The following CACNA2D3 variants were observed in gnomAD, a reference collection of about 807,000 sequenced individuals.
CACNA2D3 encodes voltage-dependent calcium channel subunit alpha-2/delta-3.
A neutral mutation model predicts 160.6 loss-of-function variants in CACNA2D3; 60 were observed. That is an observed-to-expected ratio of 0.37 (90% CI 0.30 to 0.46). CACNA2D3 has a LOEUF of 0.46. Among genes scored for constraint, CACNA2D3 ranks in the 20% least tolerant of loss-of-function variants. The pLI is 1.00. For missense variants in CACNA2D3, 1,205 were observed against 1,365.0 expected (o/e 0.88, Z 1.85); for synonymous variants, 558 against 492.9 (o/e 1.13, Z -1.75).
At chr3:55,034,367 C>T (rs1156928274) in intron 35 of CACNA2D3, among the ~76,000 whole-genome samples, 2 of 151,580 alleles carry the variant, frequency 1.3e-5, no homozygotes, top group Non-Finnish European at 2.9e-5. Flanking sequence ...TAATTATGTC[C>T]TTACTTCTCT....
chr3:55,018,039 G>A (rs1328775039), intron 34 of CACNA2D3, among the ~76,000 whole-genome samples, 167 bp from the exon 35 acceptor site: 1 of 152,154 alleles, frequency 6.6e-6, no homozygotes, highest in South Asian at 2.1e-4. Context: ...GAGTTGCTTG[G>A]CAGATGAAAT....
chr3:54,680,876 T>C (rs1162018882), intron 11 of CACNA2D3, among the ~76,000 whole-genome samples: 5 of 152,182 alleles, frequency 3.3e-5, no homozygotes, highest in Non-Finnish European at 5.9e-5. Context: ...CCAGTTATTC[T>C]CCAGGGGTAG....
chr3:54,862,177 G>T lies in CACNA2D3; in HGVS notation c.1627-9362G>T, dbSNP rs1279640151. ...CTGTAAAGCACAGTATCCTCAGAGGGTTGCAGAAGAAGGGCCACCCCATTT... is the reference window on the plus strand; with the variant it reads ...CTGTAAAGCACAGTATCCTCAGAGGTTTGCAGAAGAAGGGCCACCCCATTT... On this transcript the variant is annotated intron_variant, in intron 17 of 37. Coordinates refer to ENST00000474759, the MANE Select transcript of CACNA2D3 (RefSeq NM_018398.3). Among the ~76,000 whole-genome samples, 3 of 152,134 alleles carry T rather than the reference G, an allele frequency of 2.0e-5. No individual in the cohort carries two copies. The East Asian group carries it at 5.8e-4, about 29-fold the overall frequency.
At chr3:54,584,768 C>A (rs1484783469) in intron 9 of CACNA2D3, among the ~76,000 whole-genome samples, 1 of 152,068 alleles carries the variant, frequency 6.6e-6, no homozygotes, top group Non-Finnish European at 1.5e-5. Context: ...AATCTAGAAA[C>A]AGCCAGAGAG....
rs934416163 is a variant in CACNA2D3 at position 54,151,959 on chromosome 3, T to G, written c.204+28365T>G. On this transcript the variant is annotated intron_variant, in intron 2 of 37. Coordinates refer to ENST00000474759, the MANE Select transcript of CACNA2D3 (RefSeq NM_018398.3). ...AGAGCTGTTACTATTTCAAGCACCT[T>G]TGCAGGTCCTGCTCAAATGCCACCT... Among the ~76,000 whole-genome samples, 51 of 152,224 alleles carry G rather than the reference T, an allele frequency of 3.4e-4. 1 individual carries two copies. The highest frequency in any genetic ancestry group is 1.5e-5 in the Non-Finnish European group (1 of 68,034).
chr3:54,900,978 G>A (rs1037522992), intron 27 of CACNA2D3, among the ~76,000 whole-genome samples: 4 of 152,180 alleles, frequency 2.6e-5, no homozygotes, highest in African/African-American at 9.7e-5. Context: ...CTGACCTGTG[G>A]CTCATCTTGA....
chr3:54,500,482 TTCC>T (rs1201763926), intron 4 of CACNA2D3, among the ~76,000 whole-genome samples: 5 of 151,490 alleles, frequency 3.3e-5, no homozygotes, highest in Non-Finnish European at 7.4e-5. Flanking sequence ...TCTTCCTTCC[TTCC>T]TATCTTCCTT....
At chr3:55,049,415 G>C (rs1483140492) in intron 35 of CACNA2D3, among the ~76,000 whole-genome samples, 2 of 134,978 alleles carry the variant, frequency 1.5e-5, no homozygotes, top group Non-Finnish European at 3.1e-5. Context: ...GAGCGGTTTT[G>C]AGTGAGATTC....
chr3:54,400,386 G>A (rs183041060), intron 4 of CACNA2D3, among the ~76,000 whole-genome samples: 83 of 151,920 alleles, frequency 5.5e-4, no homozygotes, highest in African/African-American at 1.9e-3. Context: ...CTGAGCCCAC[G>A]ACTCCTCTTC....
intron 2 of CACNA2D3, among the ~76,000 whole-genome samples, chr3:54,150,937 A>G (rs1212013393): frequency 6.6e-6 from 1 of 151,978 alleles, no homozygotes; most frequent in Non-Finnish European, 1.5e-5. Flanking sequence ...GGGTGGATAG[A>G]CGAATGAATG....
intron 13 of CACNA2D3, among the ~76,000 whole-genome samples, chr3:54,771,537 C>T (rs1199266555): frequency 2.0e-5 from 3 of 152,196 alleles, no homozygotes; most frequent in Non-Finnish European, 4.4e-5. Context: ...TTCTTGCTTG[C>T]TGTCAGCTGG....
chr3:54,777,139 A>T (rs1051076730), intron 13 of CACNA2D3, among the ~76,000 whole-genome samples: 8 of 152,178 alleles, frequency 5.3e-5, no homozygotes, highest in Non-Finnish European at 1.2e-4. Flanking sequence ...CATGTGAAAG[A>T]TTTCATTCTT....
chr3:54,898,708 A>C lies in CACNA2D3; in HGVS notation c.2369-1080A>C, dbSNP rs536685108. On this transcript the variant is annotated intron_variant, in intron 26 of 37. Coordinates refer to ENST00000474759, the MANE Select transcript of CACNA2D3 (RefSeq NM_018398.3). ...TGTTCTTCTGATTCTGGAATCATCG[A>C]GTTAACTAAAGCTGTTGTTGGATTG... Among the ~76,000 whole-genome samples, 11 of 152,344 alleles carry C rather than the reference A, an allele frequency of 7.2e-5. No homozygotes were observed. In the South Asian group the frequency reaches 2.3e-3, roughly 32 times the overall value.
intron 17 of CACNA2D3, among the ~76,000 whole-genome samples, chr3:54,859,146 T>C (rs1699230908): frequency 6.6e-6 from 1 of 152,338 alleles, no homozygotes; most frequent in Non-Finnish European, 1.5e-5. Context: ...GGCAGACTTC[T>C]TTAATTACTG....
In CACNA2D3 at chr3:54,233,598, G is replaced by A. The variant is rs553433543; in HGVS notation, c.205-86844G>A. Among the ~76,000 whole-genome samples, 61 of 152,306 alleles carry A rather than the reference G, an allele frequency of 4.0e-4. 1 individual carries two copies. In the South Asian group the frequency reaches 0.012, roughly 29 times the overall value. ...GTGAAGTGGCACAGTGACTCTTTGT[G>A]CTTCACTTTCTGAAGGAGTATAGGA... is the stretch of plus-strand genomic sequence containing the variant. On this transcript the variant is annotated intron_variant, in intron 2 of 37. Coordinates refer to ENST00000474759, the MANE Select transcript of CACNA2D3 (RefSeq NM_018398.3).
At chr3:54,173,083 A>G (rs1700607455) in intron 2 of CACNA2D3, among the ~76,000 whole-genome samples, 1 of 152,234 alleles carries the variant, frequency 6.6e-6, no homozygotes, top group Admixed American at 6.5e-5. Context: ...CAAAAATAAC[A>G]GCTCTGTGAC....
chr3:54,501,584 TA>T (rs1701295270), intron 4 of CACNA2D3, among the ~76,000 whole-genome samples: 1 of 151,074 alleles, frequency 6.6e-6, no homozygotes, highest in Admixed American at 6.6e-5. Context: ...TTTGCCTGAC[TA>T]ATTTTTTTTT....
At chr3:54,822,648 A>G (rs997241073) in intron 14 of CACNA2D3, among the ~76,000 whole-genome samples, 2 of 151,972 alleles carry the variant, frequency 1.3e-5, no homozygotes, top group Non-Finnish European at 2.9e-5. Flanking sequence ...GCATATAGGC[A>G]CTCCAGCCGA....
rs544137752 is a variant in CACNA2D3, at chr3:54,193,404, T to C, written c.204+69810T>C. On this transcript the variant is annotated intron_variant, in intron 2 of 37. Transcript: ENST00000474759. Reference sequence around the variant, plus strand: ...GTTCTTTTTCCAGGGTTCAGTCTTTTTGGAATTAGCTAGAGCTTCTCCTCT... The same window carrying C: ...GTTCTTTTTCCAGGGTTCAGTCTTTCTGGAATTAGCTAGAGCTTCTCCTCT... 7.2e-5 allele frequency among the ~76,000 whole-genome samples: 11 copies of C among 152,348 alleles called. No individual in the cohort carries two copies. The South Asian group carries it at 1.2e-3, about 17-fold the overall frequency.
Sources: allele counts gnomAD v4.1 joint callset (sites outside exome capture counted in the v4.1 genomes callset), GRCh38; gene constraint gnomAD v4.1.1; transcripts MANE v1.5; gene names NCBI Gene and HGNC (gene_info 2026-07-23, HGNC 2026-07-21).